Variants in ADGRF1 observed in about 807,000 individuals in gnomAD.
ADGRF1 encodes the protein adhesion G protein-coupled receptor F1.
In ADGRF1, 85 loss-of-function variants were observed where a neutral mutation model predicts 87.2. The ratio of observed to expected loss-of-function variants is 0.97; its 90% CI spans 0.82 to 1.17. The LOEUF (loss-of-function observed/expected upper bound fraction) is 1.17. Among genes scored for constraint, ADGRF1 ranks in the 50% most tolerant of loss-of-function variants. The pLI is 0.00. For missense variants in ADGRF1, 1,169 were observed against 1,077.2 expected (o/e 1.09, Z -1.19); for synonymous variants, 430 against 408.8 (o/e 1.05, Z -0.63).
At chr6:47,007,358 A>T in intron 11 of ADGRF1, 64 bp from the exon 12 acceptor site, 1 of 961,238 alleles carries the variant, frequency 1.0e-6, no homozygotes, top group Non-Finnish European at 1.7e-6. Flanking sequence ...GAAAGCATTT[A>T]TATGTAACAC....
chr6:47,028,081 T>C (rs1671245847), intron 2 of ADGRF1, among the ~76,000 whole-genome samples: 1 of 152,146 alleles, frequency 6.6e-6, no homozygotes, highest in South Asian at 2.1e-4. Context: ...GGAAAGGGTT[T>C]TACCTTTTCC....
At chr6:47,000,558 T>C (rs1779333758) in intron 14 of ADGRF1, among the ~76,000 whole-genome samples, 1 of 152,156 alleles carries the variant, frequency 6.6e-6, no homozygotes, top group Non-Finnish European at 1.5e-5. Context: ...TAGATTGAGA[T>C]CACAATATGT....
intron 1 of ADGRF1, among the ~76,000 whole-genome samples, chr6:47,036,001 C>A (rs987362055): frequency 1.3e-5 from 2 of 152,246 alleles, no homozygotes; most frequent in South Asian, 2.1e-4. Flanking sequence ...GAAGCGGAGG[C>A]TGGTGCATTG....
rs760837868 is a variant in ADGRF1, at chr6:47,005,867, G to A, written c.2542C>T (p.Leu848Phe). Residue 848 changes from leucine (L) to phenylalanine (F), a missense_variant, in exon 13 of 15, where the codon CTT becomes TTT. Coordinates refer to ENST00000371253, the MANE Select transcript of ADGRF1 (RefSeq NM_153840.4). ...AAGGCAGACAACTTGTTGAACAGAAGTTGTCGCAGCTATAAGGGCAACAAA... is the reference window on the plus strand; with the variant it reads ...AAGGCAGACAACTTGTTGAACAGAAATTGTCGCAGCTATAAGGGCAACAAA... ...GILLDSKLRQ[L>F]LFNKLSALSS... 1 of 1,611,550 alleles carries A rather than the reference G, an allele frequency of 6.2e-7. No homozygotes were observed. The highest frequency in any genetic ancestry group is 8.5e-7 in the Non-Finnish European group (1 of 1,178,630).
chr6:47,028,814 T>C (rs1780324351), intron 2 of ADGRF1, among the ~76,000 whole-genome samples, 179 bp downstream of exon 2: 2 of 152,198 alleles, frequency 1.3e-5, no homozygotes, highest in Non-Finnish European at 2.9e-5. Context: ...TGAAATGACT[T>C]ACTTATCCAA....
At chr6:47,022,679 C>A (rs1331418068) in intron 5 of ADGRF1, among the ~76,000 whole-genome samples, 1 of 152,166 alleles carries the variant, frequency 6.6e-6, no homozygotes, top group Non-Finnish European at 1.5e-5. Context: ...CTCATCTATG[C>A]ACATCTCCAC....
chr6:47,013,014 T>G lies in ADGRF1; in HGVS notation c.928-819A>C, dbSNP rs543024619. The G allele has an allele frequency of 1.8e-5, 17 of 936,172 alleles. No individual in the cohort carries two copies. In the South Asian group the frequency reaches 6.9e-4, roughly 38 times the overall value. The allele number at this position is 936,172 out of a possible 1,614,324, so 58.0% of individuals were successfully genotyped here. ...GTCTTGAACTCTTGACCTCATGATCTGCCCGGCTTGGCCTCCCAAAGTGCT... is the reference window on the plus strand; with the variant it reads ...GTCTTGAACTCTTGACCTCATGATCGGCCCGGCTTGGCCTCCCAAAGTGCT... On this transcript the variant is annotated intron_variant, in intron 9 of 14. Transcript: ENST00000371253.
chr6:47,023,924 C>T, intron 5 of ADGRF1, 120 bp downstream of exon 5: 1 of 861,910 alleles, frequency 1.2e-6, no homozygotes, highest in East Asian at 2.7e-5. Context: ...GATGTATCAT[C>T]ACTGTCCCTC....
At chr6:47,005,913 A>T (rs1223145735) in intron 12 of ADGRF1, 37 bp from the exon 13 acceptor site, 1 of 1,360,504 alleles carries the variant, frequency 7.4e-7, no homozygotes, top group African/African-American at 1.4e-5. Flanking sequence ...GGAGATACAC[A>T]TACAATCATA....
chr6:46,997,733 GT>G lies in ADGRF1; in HGVS notation c.*2488del, dbSNP rs1779253357. The G allele has an allele frequency of 6.6e-6, 1 of 152,154 alleles. No individual in the cohort carries two copies. The highest frequency in any genetic ancestry group is 6.5e-5 in the Admixed American group (1 of 15,278). The allele number at this position is 152,154 out of a possible 1,614,324, so 9.4% of individuals were successfully genotyped here. On this transcript the variant is annotated 3_prime_UTR_variant, in exon 15 of 15. Transcript: ENST00000371253. Reference sequence around the variant, plus strand: ...TTCACTTTTTCATTATTTTATTGTTGTTTTAGTAGCATTTTGAGGTGAATGT... The same window carrying G: ...TTCACTTTTTCATTATTTTATTGTTGTTTAGTAGCATTTTGAGGTGAATGT...
In ADGRF1 at chr6:47,009,473, A is replaced by C. The variant is rs1242030860; in HGVS notation, c.1962T>G (p.Ser654=). The change falls in exon 11 of 15, where the codon TCT becomes TCG. Residue 654 remains serine (S), a synonymous_variant. Coordinates refer to ENST00000371253, the MANE Select transcript of ADGRF1 (RefSeq NM_153840.4). ...AGAACACAGCAGCTGTGCAGACTCC[A>C]GAAGGGTTCACCGTGGTGTCCACTG... The part of the protein sequence containing the change: ...GATVDTTVNP[S]GVCTAAVFFT... 5.0e-6 allele frequency: 8 copies of C among 1,613,846 alleles called. No individual in the cohort carries two copies. Among genetic ancestry groups the C allele is most frequent in the Non-Finnish European group, 5.9e-6 (7 of 1,179,954 alleles).
chr6:47,003,897 C>T (rs1376292729), intron 13 of ADGRF1, among the ~76,000 whole-genome samples: 1 of 152,158 alleles, frequency 6.6e-6, no homozygotes, highest in South Asian at 2.1e-4. Flanking sequence ...TACTTTTTCA[C>T]CTAGAATCCC....
At chr6:47,011,011 C>A (rs891131224) in intron 10 of ADGRF1, among the ~76,000 whole-genome samples, 5 of 152,230 alleles carry the variant, frequency 3.3e-5, no homozygotes, top group African/African-American at 9.6e-5. Flanking sequence ...TGTCACTCCA[C>A]CTGAGTCTTA....
rs201050710 is a variant in ADGRF1 at position 47,009,003 on chromosome 6, A to G, written c.2432T>C (p.Ile811Thr). ...GLTWGFGIGTIVDSQNLAWHV... is the reference protein window; with the variant it reads ...GLTWGFGIGTTVDSQNLAWHV... ...CCAAGCCAGATTCTGGCTGTCCACTATTGTTCCTATTCCAAAGCCCCAGGT... is the reference window on the plus strand; with the variant it reads ...CCAAGCCAGATTCTGGCTGTCCACTGTTGTTCCTATTCCAAAGCCCCAGGT... Residue 811 changes from isoleucine to threonine, a missense_variant, in exon 11 of 15, where the codon ATA becomes ACA. Transcript: ENST00000371253. The G allele has an allele frequency of 1.8e-4, 288 of 1,613,780 alleles. 2 individuals are homozygous for G. The East Asian group carries it at 6.3e-3, about 35-fold the overall frequency.
rs111390287 is a variant in ADGRF1, at chr6:47,040,190, C to T, written c.-44+2001G>A. Among the ~76,000 whole-genome samples, 810 of 152,166 alleles carry T rather than the reference C, an allele frequency of 5.3e-3. 6 individuals are homozygous for T. The highest frequency in any genetic ancestry group is 0.016 in the African/African-American group (680 of 41,516). ...TTAAAAAGAGAACCAGGTGGCTGAG[C>T]GTGGTGGCTCACGCCTGTAATCCCA... On this transcript the variant is annotated intron_variant, in intron 1 of 14. Coordinates refer to ENST00000371253, the MANE Select transcript of ADGRF1 (RefSeq NM_153840.4).
chr6:47,004,812 A>G (rs1038615454), intron 13 of ADGRF1, among the ~76,000 whole-genome samples: 1 of 152,224 alleles, frequency 6.6e-6, no homozygotes, highest in Non-Finnish European at 1.5e-5. Context: ...TGAGAAAATT[A>G]AAACTTAGAG....
chr6:47,027,985 T>G (rs1238426969), intron 2 of ADGRF1, among the ~76,000 whole-genome samples: 1 of 151,934 alleles, frequency 6.6e-6, no homozygotes. Context: ...CCAGAGCCGC[T>G]GAGAGAGGAG....
rs1413032862 is a variant in ADGRF1, at chr6:47,010,976, C to CTG, written c.1117-659_1117-658insCA. Among the ~76,000 whole-genome samples, 1,363 of 152,298 alleles carry CTG rather than the reference C, an allele frequency of 8.9e-3. 17 individuals are homozygous for CTG. Among genetic ancestry groups the CTG allele is most frequent in the African/African-American group, 0.031 (1,277 of 41,554 alleles). The stretch of plus-strand genomic sequence containing the variant: ...CCTTCTCTTGCTTATGGGTCTGGCT[C>CTG]CCAGACACTCTGGCTGCAAGCATCT... On this transcript the variant is annotated intron_variant, in intron 10 of 14. Transcript: ENST00000371253.
At position 47,009,285 on chromosome 6, in the gene ADGRF1, G is replaced by T. The variant is rs748779590; in HGVS notation, c.2150C>A (p.Thr717Asn). ...ATTGCTAGGTTGCGTGACAGCAATG[G>T]TAATGACAGATATAATGAGAGGGCA... is the stretch of plus-strand genomic sequence containing the variant. Reference protein sequence around the residue: ...YGCPLIISVITIAVTQPSNTY... With the variant: ...YGCPLIISVINIAVTQPSNTY... The change falls in exon 11 of 15, where the codon ACC (threonine) becomes AAC (asparagine). Residue 717 changes from threonine (T) to asparagine (N), a missense_variant. By Grantham distance (65) the Thr-to-Asn change is moderately conservative (BLOSUM62 0). Transcript: ENST00000371253. The T allele has an allele frequency of 6.2e-7, 1 of 1,614,120 alleles. No individual in the cohort carries two copies. Among genetic ancestry groups the T allele is most frequent in the South Asian group, 1.1e-5 (1 of 91,084 alleles).
Sources: gnomAD v4.1 joint callset for allele counts (sites outside exome capture counted in the v4.1 genomes callset) on GRCh38, gnomAD v4.1.1 for gene constraint, MANE v1.5 for transcripts, NCBI Gene and HGNC (gene_info 2026-07-23, HGNC 2026-07-21) for gene names.